Variants in TAF1B observed in about 807,000 individuals in gnomAD.
TAF1B encodes the protein TATA-box binding protein associated factor, RNA polymerase I subunit B.
In TAF1B, 61 loss-of-function variants were observed where a neutral mutation model predicts 83.9. The ratio of observed to expected loss-of-function variants is 0.73; its 90% CI spans 0.59 to 0.90. The LOEUF (loss-of-function observed/expected upper bound fraction) is 0.90. TAF1B is among the 40% of genes least tolerant of loss of function. The pLI is 0.00. For missense variants in TAF1B, 625 were observed against 677.0 expected, an observed-to-expected ratio of 0.92 and a Z score of 0.85; for synonymous variants, 221 against 224.6, an observed-to-expected ratio of 0.98 and a Z score of 0.14.
At chr2:9,874,333 G>A (rs1279973500) in intron 6 of TAF1B, among the ~76,000 whole-genome samples, 1 of 152,048 alleles carries the variant, frequency 6.6e-6, no homozygotes, top group Non-Finnish European at 1.5e-5. Context: ...CCTTCTCAAT[G>A]AGGTTTCTCT....
chr2:9,858,753 G>C (rs567047052), intron 5 of TAF1B, among the ~76,000 whole-genome samples: 1 of 152,362 alleles, frequency 6.6e-6, no homozygotes, highest in East Asian at 1.9e-4. Flanking sequence ...GCCATGGCCT[G>C]AGCTATACTT....
intron 5 of TAF1B, among the ~76,000 whole-genome samples, chr2:9,861,727 A>G (rs1024691561): frequency 2.6e-5 from 4 of 152,184 alleles, no homozygotes; most frequent in Non-Finnish European, 5.9e-5. Context: ...TCACACGGCC[A>G]GGTACTCCTC....
intron 7 of TAF1B, among the ~76,000 whole-genome samples, chr2:9,879,138 T>C (rs1251241437): frequency 6.6e-6 from 1 of 152,220 alleles, no homozygotes; most frequent in Non-Finnish European, 1.5e-5. Context: ...TTCCTATGTG[T>C]ACATTCCTAT....
chr2:9,878,960 C>G (rs1225686344), intron 7 of TAF1B, among the ~76,000 whole-genome samples: 2 of 152,106 alleles, frequency 1.3e-5, no homozygotes, highest in Non-Finnish European at 2.9e-5. Context: ...ATTGGTTATT[C>G]GGGAAGGCCT....
chr2:9,888,328 G>A (rs1159038701), intron 8 of TAF1B, among the ~76,000 whole-genome samples: 1 of 150,012 alleles, frequency 6.7e-6, no homozygotes, highest in African/African-American at 2.4e-5. Flanking sequence ...TTTTCTGTAA[G>A]CAATCATTTA....
intron 5 of TAF1B, among the ~76,000 whole-genome samples, chr2:9,860,436 C>T (rs1428835084): frequency 6.6e-6 from 1 of 152,036 alleles, no homozygotes; most frequent in Non-Finnish European, 1.5e-5. Flanking sequence ...TTTTGACATG[C>T]CAGTGATTGT....
chr2:9,923,237 C>CAAA (rs71391173), intron 14 of TAF1B, among the ~76,000 whole-genome samples: 5 of 113,074 alleles, frequency 4.4e-5, no homozygotes, highest in African/African-American at 2.1e-4. Context: ...GACTCCATCT[C>CAAA]AAAAAAAAAA....
At chr2:9,896,409 C>T (rs546295868) in intron 8 of TAF1B, among the ~76,000 whole-genome samples, 14 of 152,206 alleles carry the variant, frequency 9.2e-5, no homozygotes, top group Admixed American at 3.9e-4. Context: ...TTTCTTCCCC[C>T]CTTCCATGCC....
At chr2:9,895,516 AG>A (rs879634960) in intron 8 of TAF1B, among the ~76,000 whole-genome samples, 2 of 148,338 alleles carry the variant, frequency 1.3e-5, no homozygotes, top group Non-Finnish European at 3.0e-5. Context: ...AAAAAAAAAA[AG>A]TATTTTTTCT....
chr2:9,918,996 C>T (rs1052230213), intron 12 of TAF1B, 45 bp from the exon 13 acceptor site: 12 of 1,489,346 alleles, frequency 8.1e-6, no homozygotes, highest in African/African-American at 2.8e-5. Context: ...TGTTTATGTC[C>T]GTTTCATCTC....
At chr2:9,863,327 A>G (rs548536001) in intron 5 of TAF1B, among the ~76,000 whole-genome samples, 1 of 152,372 alleles carries the variant, frequency 6.6e-6, no homozygotes, top group African/African-American at 2.4e-5. Flanking sequence ...CTTTAAACCA[A>G]CAAAGATCAA....
At chr2:9,884,658 CA>C (rs1664616639) in intron 8 of TAF1B, among the ~76,000 whole-genome samples, 1 of 152,202 alleles carries the variant, frequency 6.6e-6, no homozygotes, top group South Asian at 2.1e-4. Flanking sequence ...GCTCTCTCAG[CA>C]GAGAGGAGGC....
intron 7 of TAF1B, among the ~76,000 whole-genome samples, chr2:9,881,556 C>T (rs1258265144): frequency 1.3e-5 from 2 of 152,108 alleles, no homozygotes; most frequent in Admixed American, 6.5e-5. Flanking sequence ...TTATTTTTCT[C>T]CTTAACATTT....
At chr2:9,898,003 A>G (rs1370977781) in intron 8 of TAF1B, among the ~76,000 whole-genome samples, 1 of 101,346 alleles carries the variant, frequency 9.9e-6, no homozygotes, top group African/African-American at 3.9e-5. Context: ...CCCAGCTACC[A>G]TCATCTCAGC....
At chr2:9,861,217 A>G (rs986432147) in intron 5 of TAF1B, among the ~76,000 whole-genome samples, 1 of 152,226 alleles carries the variant, frequency 6.6e-6, no homozygotes, top group African/African-American at 2.4e-5. Context: ...GGGGTGACAG[A>G]CGGCACCTGG....
rs747452457 is a variant in TAF1B at position 9,868,348 on chromosome 2, C to T, written c.472C>T (p.Pro158Ser). The part of the protein sequence containing the change: ...PELLSDVSCP[P>S]FLESGAESQS... ...GCTGCTAAGTGATGTCAGCTGTCCT[C>T]CTTTTCTTGAAAGTGGAGCGGAGTC... Residue 158 changes from proline (P) to serine (S), a missense_variant, in exon 6 of 15, where the codon CCT (proline) becomes TCT (serine). Coordinates refer to ENST00000263663, the MANE Select transcript of TAF1B (RefSeq NM_005680.3). The T allele has an allele frequency of 9.3e-6, 15 of 1,614,166 alleles. No individual in the cohort carries two copies. In the East Asian group the frequency reaches 3.3e-4, roughly 36 times the overall value.
intron 8 of TAF1B, among the ~76,000 whole-genome samples, chr2:9,902,371 C>T (rs1407459234): frequency 6.6e-6 from 1 of 152,144 alleles, no homozygotes; most frequent in Non-Finnish European, 1.5e-5. Context: ...GTTACCAGCA[C>T]CCCAGGAGCT....
chr2:9,926,803 T>C (rs1395743985), intron 14 of TAF1B, among the ~76,000 whole-genome samples: 3 of 46,078 alleles, frequency 6.5e-5, no homozygotes, highest in Admixed American at 2.3e-4. Flanking sequence ...AGACTCTGTC[T>C]CAAAAAAAAA....
intron 8 of TAF1B, among the ~76,000 whole-genome samples, chr2:9,888,790 G>T (rs1358626940): frequency 7.3e-4 from 60 of 81,650 alleles, no homozygotes; most frequent in East Asian, 4.4e-3. Flanking sequence ...CTTCTGCTTG[G>T]TTTTTTTTTT....
Sources: gnomAD v4.1 joint callset for allele counts (sites outside exome capture counted in the v4.1 genomes callset) on GRCh38, gnomAD v4.1.1 for gene constraint, MANE v1.5 for transcripts, NCBI Gene and HGNC (gene_info 2026-07-23, HGNC 2026-07-21) for gene names.